Variants in LAMA3 observed in about 807,000 individuals in gnomAD.
The protein encoded by LAMA3 is laminin subunit alpha 3.
LAMA3 carries 281 observed loss-of-function variants against 402.0 expected under a neutral mutation model. The observed-to-expected ratio is 0.70, with a 90% CI of 0.63 to 0.77. The LOEUF (loss-of-function observed/expected upper bound fraction) is 0.77. LAMA3 is among the 30% of genes least tolerant of loss of function. LAMA3 has a pLI of 0.00. For missense variants in LAMA3, 3,840 were observed against 4,215.5 expected (o/e 0.91, Z 2.47); for synonymous variants, 1,431 against 1,558.4 (o/e 0.92, Z 1.93).
chr18:23,731,244 T>C (rs2061390070), intron 2 of LAMA3, among the ~76,000 whole-genome samples: 1 of 152,210 alleles, frequency 6.6e-6, no homozygotes, highest in Admixed American at 6.5e-5. Context: ...AGTGGGATAA[T>C]AATATGTGTG....
rs190947205 is a variant in LAMA3, at chr18:23,739,013, T to C, written c.448-8930T>C. On this transcript the variant is annotated intron_variant, in intron 2 of 74. Transcript: ENST00000313654. ...GGAAGTCAAGGAAACAAAAGACAGA[T>C]ACCTGCACCATGGCTTCCTCTCTGG... Among the ~76,000 whole-genome samples the C allele has an allele frequency of 5.9e-5, 9 of 152,322 alleles. No individual in the cohort carries two copies. The East Asian group carries it at 9.6e-4, about 16-fold the overall frequency.
intron 38 of LAMA3, among the ~76,000 whole-genome samples, chr18:23,874,066 T>C (rs2064624019): frequency 6.6e-6 from 1 of 152,186 alleles, no homozygotes; most frequent in African/African-American, 2.4e-5. Context: ...TTGCAGAGTA[T>C]ATTTTCTGCT....
intron 41 of LAMA3, among the ~76,000 whole-genome samples, chr18:23,888,229 C>A (rs2080504784): frequency 6.6e-6 from 1 of 152,148 alleles, no homozygotes; most frequent in Non-Finnish European, 1.5e-5. Flanking sequence ...AGCCTAGTTA[C>A]CTTCTGGATT....
chr18:23,781,306 C>T (rs1166953623), intron 11 of LAMA3: 3 of 455,942 alleles, frequency 6.6e-6, no homozygotes, highest in African/African-American at 4.0e-5. Flanking sequence ...GGGTGGTGCT[C>T]ATGCCATCCT....
chr18:23,776,663 G>A (rs549963843), intron 10 of LAMA3, among the ~76,000 whole-genome samples: 2 of 152,124 alleles, frequency 1.3e-5, no homozygotes, highest in Middle Eastern at 3.4e-3. Context: ...GGGACATGGG[G>A]GCAGGACTCA....
chr18:23,727,588 G>T (rs2061321674), intron 2 of LAMA3, among the ~76,000 whole-genome samples: 1 of 151,564 alleles, frequency 6.6e-6, no homozygotes, highest in South Asian at 2.1e-4. Flanking sequence ...GGCCTCCCAA[G>T]GTGCTGGATT....
chr18:23,874,116 A>G (rs534289754), intron 38 of LAMA3, among the ~76,000 whole-genome samples: 66 of 152,356 alleles, frequency 4.3e-4, no homozygotes, highest in Middle Eastern at 3.4e-3. Context: ...TTTAGTTTTA[A>G]TCAGGACAGA....
At chr18:23,924,220 T>A (rs2081934885) in intron 62 of LAMA3, among the ~76,000 whole-genome samples, 1 of 152,108 alleles carries the variant, frequency 6.6e-6, no homozygotes, top group Non-Finnish European at 1.5e-5. Context: ...GGCGCCATCT[T>A]GGCTCATTGC....
At chr18:23,691,316 CAG>C (rs944878405) in intron 1 of LAMA3, among the ~76,000 whole-genome samples, 8 of 151,878 alleles carry the variant, frequency 5.3e-5, no homozygotes, top group Admixed American at 2.6e-4. Context: ...CATGCAAAAA[CAG>C]AAATCTAAAA....
Position 23,932,144 on chromosome 18 carries a change from T to C in LAMA3, c.8577-16T>C, listed in dbSNP as rs1031992725. 1.2e-6 allele frequency: 2 copies of C among 1,613,642 alleles called. No homozygotes were observed. Among genetic ancestry groups the C allele is most frequent in the South Asian group, 2.2e-5 (2 of 91,058 alleles). The stretch of plus-strand genomic sequence containing the variant: ...CCAGCAGTTCTCACCCATGATTTGC[T>C]TTTCTTCCCTTTCAGACTACGGCTT... On this transcript the variant is annotated splice_polypyrimidine_tract_variant and intron_variant, in intron 65 of 74. Coordinates refer to ENST00000313654, the MANE Select transcript of LAMA3 (RefSeq NM_198129.4).
intron 29 of LAMA3, 135 bp from the exon 30 acceptor site, chr18:23,844,874 G>C: frequency 1.4e-6 from 1 of 697,218 alleles, no homozygotes; most frequent in Non-Finnish European, 2.6e-6. Flanking sequence ...TCATGTCAGT[G>C]CTCAAAAAGT....
At chr18:23,928,858 T>C in intron 64 of LAMA3, 93 bp downstream of exon 64, 1 of 1,233,850 alleles carries the variant, frequency 8.1e-7, no homozygotes, top group East Asian at 2.3e-5. Flanking sequence ...GTGGTGGAGT[T>C]GTACATTTTT....
chr18:23,733,371 C>T (rs2061424090), intron 2 of LAMA3, among the ~76,000 whole-genome samples: 1 of 152,198 alleles, frequency 6.6e-6, no homozygotes, highest in African/African-American at 2.4e-5. Context: ...GGAGACCTCA[C>T]AATCATGGCA....
At chr18:23,691,325 A>G (rs575015939) in intron 1 of LAMA3, among the ~76,000 whole-genome samples, 41 of 152,344 alleles carry the variant, frequency 2.7e-4, no homozygotes, top group Non-Finnish European at 5.9e-5. Context: ...ACAGAAATCT[A>G]AAAGACAAAA....
intron 47 of LAMA3, 65 bp from the exon 48 acceptor site, chr18:23,901,061 AG>A (rs2081052834): frequency 1.5e-6 from 2 of 1,368,698 alleles, no homozygotes; most frequent in Admixed American, 3.5e-5. Context: ...CTCCCTTTGT[AG>A]TTTTTATAAC....
At chr18:23,899,144 G>T in intron 46 of LAMA3, 79 bp downstream of exon 46, 1 of 1,309,062 alleles carries the variant, frequency 7.6e-7, no homozygotes. Flanking sequence ...TTCCCTTTAA[G>T]ATTTCAACAT....
rs944574107 is a variant in LAMA3 at position 23,705,638 on chromosome 18, C to T, written c.295-8282C>T. Among the ~76,000 whole-genome samples the T allele has an allele frequency of 6.6e-5, 10 of 152,242 alleles. No homozygotes were observed. The East Asian group carries it at 1.9e-3, about 29-fold the overall frequency. ...TTCCCAGGCTCAGGTAATCCTTCCA[C>T]CTCAGCTTCCCAAGTAGCTGGGATG... On this transcript the variant is annotated intron_variant, in intron 1 of 74. Coordinates refer to ENST00000313654, the MANE Select transcript of LAMA3 (RefSeq NM_198129.4).
At chr18:23,885,959 T>G (rs934043115) in intron 41 of LAMA3, among the ~76,000 whole-genome samples, 2 of 152,240 alleles carry the variant, frequency 1.3e-5, no homozygotes, top group African/African-American at 2.4e-5. Flanking sequence ...CCTGTTTTAC[T>G]TTCTGTTTTG....
At chr18:23,767,352 A>T (rs965223895) in intron 8 of LAMA3, among the ~76,000 whole-genome samples, 1 of 152,194 alleles carries the variant, frequency 6.6e-6, no homozygotes, top group Non-Finnish European at 1.5e-5. Flanking sequence ...TGACAAAACT[A>T]TAAAAAACTA....
Sources: allele counts gnomAD v4.1 joint callset (sites outside exome capture counted in the v4.1 genomes callset), GRCh38; gene constraint gnomAD v4.1.1; transcripts MANE v1.5; gene names NCBI Gene and HGNC (gene_info 2026-07-23, HGNC 2026-07-21).